The following SENP5 variants were observed in gnomAD, a reference collection of about 807,000 sequenced individuals.
The protein encoded by SENP5 is sentrin-specific protease 5.
Under a neutral mutation model 74.2 loss-of-function variants are expected in SENP5, and 21 were observed. The observed-to-expected ratio is 0.28, with a 90% confidence interval of 0.20 to 0.41. The LOEUF (loss-of-function observed/expected upper bound fraction) is 0.41. Ranked by LOEUF, SENP5 falls within the 10% of genes least tolerant of loss-of-function variation. SENP5 has a pLI of 1.00. For synonymous variants in SENP5, 311 were observed against 312.7 expected, an observed-to-expected ratio of 0.99 and a Z score of 0.06; for missense variants, 717 against 889.1, an observed-to-expected ratio of 0.81 and a Z score of 2.46.
At chr3:196,908,289 CAAATA>C (rs1714987742) in intron 6 of SENP5, among the ~76,000 whole-genome samples, 1 of 151,918 alleles carries the variant, frequency 6.6e-6, no homozygotes, top group African/African-American at 2.4e-5. Flanking sequence ...CAATTTAAAA[CAAATA>C]AAAAAGGCAA....
rs1312496757 is a variant in SENP5, at chr3:196,885,826, A to G, written c.645A>G (p.Lys215=). 6.2e-7 allele frequency: 1 copy of G among 1,614,090 alleles called. No individual in the cohort carries two copies. Among genetic ancestry groups the G allele is most frequent in the Admixed American group, 1.7e-5 (1 of 60,000 alleles). ...GGAATGGGGGACCCTTGATTCCAAA[A>G]AAGTTCCAACTTAACCAACATAGAA... The part of the protein sequence containing the change: ...HHRNGGPLIP[K]KFQLNQHRRI... Residue 215 remains lysine (K), a synonymous_variant, in exon 2 of 10, where the codon AAA becomes AAG. Transcript: ENST00000323460.
intron 5 of SENP5, among the ~76,000 whole-genome samples, chr3:196,901,001 T>C (rs1166436676): frequency 1.3e-5 from 2 of 151,922 alleles, no homozygotes; most frequent in African/African-American, 4.8e-5. Flanking sequence ...GGTGGGGAGA[T>C]GTGCAAAAGG....
At chr3:196,900,866 G>T (rs777494680) in intron 5 of SENP5, among the ~76,000 whole-genome samples, 15 of 151,876 alleles carry the variant, frequency 9.9e-5, no homozygotes, top group Admixed American at 2.0e-4. Flanking sequence ...GGGATTACAG[G>T]TGTGAGCCAC....
intron 4 of SENP5, 43 bp from the exon 5 acceptor site, chr3:196,900,322 A>C (rs1481376535): frequency 1.3e-6 from 2 of 1,551,868 alleles, no homozygotes; most frequent in Admixed American, 3.8e-5. Context: ...CTCCAACTTA[A>C]CTGGCAGAGA....
chr3:196,923,491 C>G lies in SENP5; in HGVS notation c.1962C>G (p.Leu654=). Residue 654 remains leucine, a synonymous_variant, in exon 7 of 10, where the codon CTC becomes CTG. Coordinates refer to ENST00000323460, the MANE Select transcript of SENP5 (RefSeq NM_152699.5). ...ACTGGTCTCTCATTACTGTGACACT[C>G]TCTAATCGAATTATTTCATTTTATG... The part of the protein sequence containing the change: ...EVHWSLITVT[L]SNRIISFYDS... 1 of 1,611,302 alleles carries G rather than the reference C, an allele frequency of 6.2e-7. No homozygotes were observed. The highest frequency in any genetic ancestry group is 8.5e-7 in the Non-Finnish European group (1 of 1,177,694).
At chr3:196,874,458 A>C (rs1168027768) in intron 1 of SENP5, among the ~76,000 whole-genome samples, 1 of 152,090 alleles carries the variant, frequency 6.6e-6, no homozygotes, top group Non-Finnish European at 1.5e-5. Flanking sequence ...CGACTTCTCA[A>C]CAACCTTTAA....
At chr3:196,915,726 GA>G (rs1715340674) in intron 6 of SENP5, among the ~76,000 whole-genome samples, 2 of 152,160 alleles carry the variant, frequency 1.3e-5, no homozygotes, top group Admixed American at 6.5e-5. Context: ...CTATTTGGGG[GA>G]AAGTGAAGGA....
chr3:196,912,239 G>A (rs375966481), intron 6 of SENP5, among the ~76,000 whole-genome samples: 1 of 152,196 alleles, frequency 6.6e-6, no homozygotes, highest in Non-Finnish European at 1.5e-5. Flanking sequence ...ATACTATGCA[G>A]CCATTTAAAG....
At chr3:196,918,347 G>A (rs1201467051) in intron 6 of SENP5, among the ~76,000 whole-genome samples, 1 of 149,238 alleles carries the variant, frequency 6.7e-6, no homozygotes, top group Non-Finnish European at 1.5e-5. Flanking sequence ...CAAAGAGGGG[G>A]ATGGAGTTTG....
intron 2 of SENP5, among the ~76,000 whole-genome samples, chr3:196,890,814 AAC>A (rs1281730748): frequency 6.6e-6 from 1 of 152,248 alleles, no homozygotes; most frequent in Non-Finnish European, 1.5e-5. Context: ...TCAGGATTAA[AAC>A]ACACAAATAC....
intron 6 of SENP5, among the ~76,000 whole-genome samples, chr3:196,908,782 C>T (rs952600741): frequency 1.5e-4 from 23 of 152,036 alleles, no homozygotes; most frequent in African/African-American, 5.1e-4. Context: ...GAGATTGCGC[C>T]ATTGCACTCC....
chr3:196,895,494 A>T (rs1434715708), intron 2 of SENP5, among the ~76,000 whole-genome samples: 2 of 91,882 alleles, frequency 2.2e-5, no homozygotes, highest in Non-Finnish European at 5.6e-5. Flanking sequence ...CCTTACTTTA[A>T]CTTCTTTTTT....
rs58745670 is a variant in SENP5 at position 196,869,759 on chromosome 3, C to CAAAAA, written c.-32+1707_-32+1711dup. On this transcript the variant is annotated intron_variant, in intron 1 of 9. Transcript: ENST00000323460. ...GGGCAACAAGAGCAAAACTCCGTCT[C>CAAAAA]AAAAAAAAAAAAAAAAAAAAAAAAA... Among the ~76,000 whole-genome samples the CAAAAA allele has an allele frequency of 1.8e-3, 68 of 37,932 alleles. 5 individuals are homozygous for CAAAAA. The highest frequency in any genetic ancestry group is 6.6e-3 in the African/African-American group (57 of 8,670). The allele number at this position is 37,932 out of a possible 152,430, so 24.9% of individuals were successfully genotyped here.
chr3:196,925,001 G>A (rs1216183541), intron 7 of SENP5, among the ~76,000 whole-genome samples: 5 of 151,962 alleles, frequency 3.3e-5, no homozygotes, highest in East Asian at 3.9e-4. Flanking sequence ...GGAATGATAC[G>A]GTATAGTACA....
intron 6 of SENP5, among the ~76,000 whole-genome samples, chr3:196,910,134 T>G (rs191386535): frequency 2.6e-3 from 397 of 152,060 alleles, no homozygotes; most frequent in African/African-American, 8.5e-3. Context: ...AAATCATGAA[T>G]GAACCCCCAT....
At position 196,911,015 on chromosome 3, in the gene SENP5, T is replaced by C. The variant is rs146240127; in HGVS notation, c.1884+7405T>C. On this transcript the variant is annotated intron_variant, in intron 6 of 9. Coordinates refer to ENST00000323460, the MANE Select transcript of SENP5 (RefSeq NM_152699.5). ...TGATGCTGGGAAAACTGGCTAGCCATATGCAGAAAACTGAAACTGGACCCC... is the reference window on the plus strand; with the variant it reads ...TGATGCTGGGAAAACTGGCTAGCCACATGCAGAAAACTGAAACTGGACCCC... 1.8e-4 allele frequency among the ~76,000 whole-genome samples: 27 copies of C among 152,298 alleles called. No homozygotes were observed. The East Asian group carries it at 5.0e-3, about 28-fold the overall frequency.
intron 2 of SENP5, among the ~76,000 whole-genome samples, chr3:196,887,305 G>T (rs1486026594): frequency 6.6e-6 from 1 of 151,816 alleles, no homozygotes; most frequent in South Asian, 2.1e-4. Flanking sequence ...TCAACCCCCC[G>T]AGTAGTTGGG....
rs533509826 is a variant in SENP5 at position 196,917,637 on chromosome 3, T to C, written c.1885-5777T>C. Among the ~76,000 whole-genome samples, 5 of 152,330 alleles carry C rather than the reference T, an allele frequency of 3.3e-5. No homozygotes were observed. In the East Asian group the frequency reaches 7.7e-4, roughly 23 times the overall value. On this transcript the variant is annotated intron_variant, in intron 6 of 9. Transcript: ENST00000323460. The stretch of plus-strand genomic sequence containing the variant: ...GCAGCAGACATCTCAGTGGAAACTT[T>C]ACAGGCCAGGAGGGAGTGGCATGTC...
At chr3:196,922,313 G>A (rs1393516364) in intron 6 of SENP5, among the ~76,000 whole-genome samples, 1 of 152,182 alleles carries the variant, frequency 6.6e-6, no homozygotes, top group African/African-American at 2.4e-5. Context: ...TGACTAATAC[G>A]TGGAAGAGCC....
Sources: gnomAD v4.1 joint callset for allele counts (sites outside exome capture counted in the v4.1 genomes callset) on GRCh38, gnomAD v4.1.1 for gene constraint, MANE v1.5 for transcripts, NCBI Gene and HGNC (gene_info 2026-07-23, HGNC 2026-07-21) for gene names.